The following FAM184B variants were observed in gnomAD, a reference collection of about 807,000 sequenced individuals.
FAM184B encodes protein FAM184B.
Under a neutral mutation model 135.9 loss-of-function variants are expected in FAM184B, and 111 were observed. That is an observed-to-expected ratio of 0.82 (90% confidence interval 0.70 to 0.96). FAM184B has a LOEUF of 0.96. FAM184B is among the 40% of genes least tolerant of loss of function. The pLI, the probability that FAM184B is intolerant of heterozygous loss-of-function variation, is 0.00. For missense variants in FAM184B, 1,375 were observed against 1,323.9 expected (o/e 1.04, Z -0.60); for synonymous variants, 552 against 524.8 (o/e 1.05, Z -0.71).
intron 5 of FAM184B, among the ~76,000 whole-genome samples, chr4:17,695,852 A>G (rs539470385): frequency 1.3e-5 from 2 of 152,166 alleles, no homozygotes; most frequent in Non-Finnish European, 2.9e-5. Context: ...TGGAGTATGC[A>G]TTTGAGAACC....
chr4:17,659,924 G>C (rs140983673), intron 9 of FAM184B, 34 bp downstream of exon 9: 2 of 1,547,610 alleles, frequency 1.3e-6, no homozygotes, highest in African/African-American at 2.7e-5. Flanking sequence ...CAGGATCTCA[G>C]GAAGGGGGCA....
At chr4:17,732,431 G>C (rs959684550) in intron 1 of FAM184B, among the ~76,000 whole-genome samples, 4 of 152,066 alleles carry the variant, frequency 2.6e-5, no homozygotes, top group Non-Finnish European at 5.9e-5. Context: ...AAAATCGATA[G>C]ACCGCTAGCA....
chr4:17,683,741 C>A (rs1260302853), intron 7 of FAM184B, among the ~76,000 whole-genome samples: 5 of 151,956 alleles, frequency 3.3e-5, no homozygotes, highest in Non-Finnish European at 7.4e-5. Flanking sequence ...GGGAAGTATA[C>A]TGATATATTA....
intron 7 of FAM184B, among the ~76,000 whole-genome samples, chr4:17,676,212 C>G (rs1286274178): frequency 6.6e-6 from 1 of 152,150 alleles, no homozygotes; most frequent in African/African-American, 2.4e-5. Flanking sequence ...ATTGGCCTAA[C>G]TGCAATATTG....
intron 12 of FAM184B, among the ~76,000 whole-genome samples, chr4:17,647,158 G>A (rs1293271559): frequency 6.7e-6 from 1 of 150,308 alleles, no homozygotes; most frequent in East Asian, 1.9e-4. Context: ...ACAAGACCCT[G>A]CAGGCCCACC....
Position 17,726,610 on chromosome 4 carries a change from G to A in FAM184B, c.142-16966C>T, listed in dbSNP as rs546251119. Among the ~76,000 whole-genome samples, 3 of 152,292 alleles carry A rather than the reference G, an allele frequency of 2.0e-5. No individual in the cohort carries two copies. The South Asian group carries it at 6.2e-4, about 32-fold the overall frequency. On this transcript the variant is annotated intron_variant, in intron 1 of 17. Coordinates refer to ENST00000265018, the MANE Select transcript of FAM184B (RefSeq NM_015688.2). ...TGGTCTCAAACTCCTGACCTCAGGT[G>A]AGCCACCCATCTCGGCCTCCCAAAA...
intron 5 of FAM184B, among the ~76,000 whole-genome samples, chr4:17,699,530 A>T (rs979819672): frequency 6.6e-6 from 1 of 152,178 alleles, no homozygotes; most frequent in African/African-American, 2.4e-5. Flanking sequence ...ATAAAATGCA[A>T]ACCAAAAGAT....
Position 17,631,220 on chromosome 4 carries a change from A to AT in FAM184B, c.*1311dup, listed in dbSNP as rs1005017584. The AT allele has an allele frequency of 2.0e-5, 3 of 151,394 alleles. No individual in the cohort carries two copies. Among genetic ancestry groups the AT allele is most frequent in the East Asian group, 1.9e-4 (1 of 5,156 alleles). 9.4% of individuals were successfully genotyped at this position (151,394 alleles called of 1,614,324 possible). ...AGAGGTTCAGGGGATATATATATATATTTTTTTAATCTGTAGAGATGGGAT... is the reference window on the plus strand; with the variant it reads ...AGAGGTTCAGGGGATATATATATATATTTTTTTTAATCTGTAGAGATGGGAT... On this transcript the variant is annotated 3_prime_UTR_variant, in exon 18 of 18. Coordinates refer to ENST00000265018, the MANE Select transcript of FAM184B (RefSeq NM_015688.2).
At chr4:17,727,658 C>A (rs1162891308) in intron 1 of FAM184B, among the ~76,000 whole-genome samples, 2 of 152,144 alleles carry the variant, frequency 1.3e-5, no homozygotes, top group Non-Finnish European at 2.9e-5. Context: ...AGAACTCCTT[C>A]ATTTTCAGAT....
At chr4:17,715,873 T>G (rs529074136) in intron 1 of FAM184B, among the ~76,000 whole-genome samples, 1 of 152,332 alleles carries the variant, frequency 6.6e-6, no homozygotes, top group African/African-American at 2.4e-5. Flanking sequence ...CTGAGAGCCG[T>G]TAAGTCATTT....
At chr4:17,725,532 T>C (rs1717620414) in intron 1 of FAM184B, among the ~76,000 whole-genome samples, 1 of 152,198 alleles carries the variant, frequency 6.6e-6, no homozygotes, top group Admixed American at 6.5e-5. Context: ...AGTTCAAATC[T>C]GGTAGCTGTC....
chr4:17,656,265 C>T (rs1018182358), intron 10 of FAM184B, among the ~76,000 whole-genome samples: 1 of 152,150 alleles, frequency 6.6e-6, no homozygotes, highest in Non-Finnish European at 1.5e-5. Context: ...TGGGAATCTC[C>T]CCAAGCTGAG....
At chr4:17,768,991 C>T (rs572927846) in intron 1 of FAM184B, among the ~76,000 whole-genome samples, 191 of 151,996 alleles carry the variant, frequency 1.3e-3, no homozygotes, top group African/African-American at 4.3e-3. Flanking sequence ...TTAGTAGAGA[C>T]GGGGTTTCTC....
rs762099044 is a variant in FAM184B at position 17,725,946 on chromosome 4, CAG to C, written c.142-16304_142-16303del. On this transcript the variant is annotated intron_variant, in intron 1 of 17. Transcript: ENST00000265018. The stretch of plus-strand genomic sequence containing the variant: ...AAACTCTTCTTTTTTTTTTTTGTGA[CAG>C]AGTCTTGCTCTGTCACCCAGGCTGG... Among the ~76,000 whole-genome samples the C allele has an allele frequency of 6.0e-5, 9 of 150,038 alleles. No individual in the cohort carries two copies. The East Asian group carries it at 7.8e-4, about 13-fold the overall frequency.
intron 1 of FAM184B, among the ~76,000 whole-genome samples, chr4:17,721,406 A>AAAAAAAAAAAAAAAAAAAC (rs1560185395): frequency 1.4e-5 from 2 of 143,394 alleles, no homozygotes. Context: ...AAAAAAAAAA[A>AAAAAAAAAAAAAAAAAAAC]TCTCTTTGCC....
intron 1 of FAM184B, among the ~76,000 whole-genome samples, chr4:17,719,402 T>C (rs985030164): frequency 2.0e-5 from 3 of 152,178 alleles, no homozygotes; most frequent in Non-Finnish European, 4.4e-5. Context: ...AACTTATGAA[T>C]TGTTTATTTC....
rs1011369904 is a variant in FAM184B, at chr4:17,709,579, C to A, written c.207G>T (p.Ala69=). The change falls in exon 2 of 18, where the codon GCG becomes GCT. Residue 69 remains alanine, a synonymous_variant. Coordinates refer to ENST00000265018, the MANE Select transcript of FAM184B (RefSeq NM_015688.2). ...CCGCATTCTGGAGCTCCTCCTGGTGCGCTTCCCGCAGCGCCTCCATGCTGG... is the reference window on the plus strand; with the variant it reads ...CCGCATTCTGGAGCTCCTCCTGGTGAGCTTCCCGCAGCGCCTCCATGCTGG... The part of the protein sequence containing the change: ...AEASMEALRE[A]HQEELQNAVA... 3 of 1,547,934 alleles carry A rather than the reference C, an allele frequency of 1.9e-6. No homozygotes were observed. Among genetic ancestry groups the A allele is most frequent in the African/African-American group, 1.4e-5 (1 of 72,918 alleles).
chr4:17,699,460 G>A (rs1259523334), intron 5 of FAM184B, among the ~76,000 whole-genome samples: 1 of 152,062 alleles, frequency 6.6e-6, no homozygotes, highest in Non-Finnish European at 1.5e-5. Context: ...CAGCCGATAA[G>A]AAGAAATATA....
At chr4:17,736,006 A>G (rs965208124) in intron 1 of FAM184B, among the ~76,000 whole-genome samples, 1 of 152,180 alleles carries the variant, frequency 6.6e-6, no homozygotes, top group Non-Finnish European at 1.5e-5. Flanking sequence ...GGTGGTGATG[A>G]TCTTGATAAC....
Sources: gnomAD v4.1 joint callset for allele counts (sites outside exome capture counted in the v4.1 genomes callset) on GRCh38, gnomAD v4.1.1 for gene constraint, MANE v1.5 for transcripts, NCBI Gene and HGNC (gene_info 2026-07-23, HGNC 2026-07-21) for gene names.